Variants in DUS1L observed in about 807,000 individuals in gnomAD.
The protein encoded by DUS1L is dihydrouridine synthase 1 like.
In DUS1L, 56 loss-of-function variants were observed where a neutral mutation model predicts 61.2. The observed-to-expected ratio is 0.92, with a 90% CI of 0.74 to 1.14. The LOEUF is 1.14. Among genes scored for constraint, DUS1L ranks in the 50% most tolerant of loss-of-function variants. DUS1L has a pLI of 0.00. For missense variants in DUS1L, 630 were observed against 632.4 expected, an observed-to-expected ratio of 1.00 and a Z score of 0.04; for synonymous variants, 278 against 259.5, an observed-to-expected ratio of 1.07 and a Z score of -0.69.
intron 4 of DUS1L, 146 bp downstream of exon 4, chr17:82,063,322 G>A: frequency 9.1e-7 from 1 of 1,096,612 alleles, no homozygotes; most frequent in Non-Finnish European, 1.3e-6. Flanking sequence ...CCAGCAGAGA[G>A]GCTGCTGTGG....
chr17:82,060,238 A>G, intron 10 of DUS1L, 145 bp from the exon 11 acceptor site: 1 of 1,123,360 alleles, frequency 8.9e-7, no homozygotes, highest in South Asian at 1.6e-5. Context: ...TCCCTCGGGC[A>G]GCCCATTCAG....
rs1488559604 is a variant in DUS1L at position 82,057,826 on chromosome 17, G to A, written c.*289C>T. On this transcript the variant is annotated 3_prime_UTR_variant, in exon 14 of 14. Transcript: ENST00000306796. Reference sequence around the variant, plus strand: ...CACTGGCCCCAACCGCACCTGCCCCGGCTCATGCCTCCCTGGGTCTGAGAG... The same window carrying A: ...CACTGGCCCCAACCGCACCTGCCCCAGCTCATGCCTCCCTGGGTCTGAGAG... 2.6e-5 allele frequency: 8 copies of A among 303,366 alleles called. No individual in the cohort carries two copies. Among genetic ancestry groups the A allele is most frequent in the South Asian group, 1.9e-4 (2 of 10,534 alleles). 18.8% of individuals were successfully genotyped at this position (303,366 alleles called of 1,614,324 possible).
chr17:82,062,999 A>C (rs1424911805), intron 4 of DUS1L, 26 bp from the exon 5 acceptor site: 1 of 1,585,620 alleles, frequency 6.3e-7, no homozygotes, highest in Admixed American at 1.7e-5. Flanking sequence ...GCAGCTTCTG[A>C]GGGGGCCATG....
rs2033506390 is a variant in DUS1L at position 82,061,679 on chromosome 17, C to G, written c.636G>C (p.Gln212His). 1 of 1,612,962 alleles carries G rather than the reference C, an allele frequency of 6.2e-7. No individual in the cohort carries two copies. Among genetic ancestry groups the G allele is most frequent in the Admixed American group, 1.7e-5 (1 of 60,008 alleles). The change falls in exon 7 of 14, where the codon CAG (glutamine) becomes CAC (histidine). Residue 212 changes from glutamine (Q) to histidine (H), a missense_variant. Transcript: ENST00000306796. ...AIPVFANGNI[Q>H]CLQDVERCLR... ...GGCAGCGCTCCACGTCCTGCAGGCA[C>G]TGGATGTTCCCGTTAGCAAACACAG...
rs2033146365 is a variant in DUS1L at position 82,058,043 on chromosome 17, G to GT, written c.*71dup. On this transcript the variant is annotated 3_prime_UTR_variant, in exon 14 of 14. Transcript: ENST00000306796. ...CATTAAGTAGCAGGAGATTCCCTGA[G>GT]TAAAAGGCATTTTCTTAAGTAGGAC... 5.5e-6 allele frequency: 8 copies of GT among 1,445,744 alleles called. No individual in the cohort carries two copies. Among genetic ancestry groups the GT allele is most frequent in the Non-Finnish European group, 6.4e-6 (7 of 1,097,522 alleles). The allele number at this position is 1,445,744 out of a possible 1,614,324, so 89.6% of individuals were successfully genotyped here. A position where few individuals can be genotyped will look rare whatever the true frequency, so the allele number is the denominator to read the frequency against.
In DUS1L at chr17:82,061,731, G is replaced by A; in HGVS notation, c.594-10C>T. 6.2e-7 allele frequency: 1 copy of A among 1,612,434 alleles called. No homozygotes were observed. Among genetic ancestry groups the A allele is most frequent in the South Asian group, 1.1e-5 (1 of 91,078 alleles). The stretch of plus-strand genomic sequence containing the variant: ...GATGGCCACAGCCTTCCTGTTGGCA[G>A]AGAAATGCCTGTTTCCACCCGCCCG... On this transcript the variant is annotated splice_polypyrimidine_tract_variant and intron_variant, in intron 6 of 13. Coordinates refer to ENST00000306796, the MANE Select transcript of DUS1L (RefSeq NM_022156.5).
In DUS1L at chr17:82,060,694, C is replaced by T. The variant is rs1182796769; in HGVS notation, c.1022+7G>A. On this transcript the variant is annotated splice_region_variant and intron_variant, in intron 10 of 13. Transcript: ENST00000306796. ...ACATCCCCGCCCAGGGCTGGCTGGG[C>T]TCTCACCCCGGCCGGATGTAGGGCT... 1 of 1,612,150 alleles carries T rather than the reference C, an allele frequency of 6.2e-7. No homozygotes were observed. The highest frequency in any genetic ancestry group is 1.1e-5 in the South Asian group (1 of 90,898).
At chr17:82,061,475 C>T in intron 7 of DUS1L, 122 bp from the exon 8 acceptor site, 1 of 1,447,644 alleles carries the variant, frequency 6.9e-7, no homozygotes. Flanking sequence ...CCAGCTCAGG[C>T]CCATCAGAGC....
chr17:82,058,204 C>G lies in DUS1L; in HGVS notation c.1333G>C (p.Glu445Gln). The change falls in exon 14 of 14, where the codon GAG becomes CAG. Residue 445 changes from glutamate to glutamine, a missense_variant. Physicochemically the swap from Glu to Gln is conservative, Grantham distance 29. Transcript: ENST00000306796. ...GGCTCCTGCAGCTCAGGCTGGGCCTCTTTCCAGGCCAGAGACTTCTCCAAT... is the reference window on the plus strand; with the variant it reads ...GGCTCCTGCAGCTCAGGCTGGGCCTGTTTCCAGGCCAGAGACTTCTCCAAT... ...TKLEKSLAWK[E>Q]AQPELQEPQP... The G allele has an allele frequency of 6.2e-7, 1 of 1,600,022 alleles. No homozygotes were observed. Among genetic ancestry groups the G allele is most frequent in the Non-Finnish European group, 8.5e-7 (1 of 1,170,506 alleles).
chr17:82,061,834 A>T, intron 6 of DUS1L, 67 bp downstream of exon 6: 4 of 1,589,332 alleles, frequency 2.5e-6, no homozygotes, highest in Non-Finnish European at 3.4e-6. Flanking sequence ...GAGCACCCTG[A>T]GGTGTGGAGC....
At chr17:82,063,606 TCCAC>T in intron 3 of DUS1L, 88 bp from the exon 4 acceptor site, 1 of 1,560,402 alleles carries the variant, frequency 6.4e-7, no homozygotes, top group Non-Finnish European at 8.8e-7. Context: ...CTTTCCTGCA[TCCAC>T]GCAGGCCAGG....
rs2033650075 is a variant in DUS1L at position 82,064,216 on chromosome 17, C to T, written c.256G>A (p.Glu86Lys). The change falls in exon 3 of 14, where the codon GAG (glutamate) becomes AAG (lysine). Residue 86 changes from glutamate to lysine, a missense_variant. Physicochemically the swap from Glu to Lys is moderately conservative, Grantham distance 56. Transcript: ENST00000306796. ...AGGAGAGCCGCCTGAACAAACACCT[C>T]CGGGTCATTGGCACAGAACTGGAGA... ...LIVQFCANDP[E>K]VFVQAALLAQ... 1.2e-6 allele frequency: 2 copies of T among 1,611,934 alleles called. No individual in the cohort carries two copies. Among genetic ancestry groups the T allele is most frequent in the South Asian group, 2.2e-5 (2 of 90,984 alleles).
rs8064328 is a variant in DUS1L at position 82,057,879 on chromosome 17, G to T, written c.*236C>A. ...CAGTGGTCACAGGCTGTGGGCTCTCGCATCTTTGAAATGATTTATTGTTCA... is the reference window on the plus strand; with the variant it reads ...CAGTGGTCACAGGCTGTGGGCTCTCTCATCTTTGAAATGATTTATTGTTCA... On this transcript the variant is annotated 3_prime_UTR_variant, in exon 14 of 14. Coordinates refer to ENST00000306796, the MANE Select transcript of DUS1L (RefSeq NM_022156.5). The T allele has an allele frequency of 2.5e-6, 1 of 399,618 alleles. No homozygotes were observed. The allele number at this position is 399,618 out of a possible 1,614,324, so 24.8% of individuals were successfully genotyped here.
chr17:82,063,656 C>A, intron 3 of DUS1L, 138 bp from the exon 4 acceptor site: 1 of 984,638 alleles, frequency 1.0e-6, no homozygotes. Context: ...GTCCCCAGAA[C>A]CAGCAGTGTC....
chr17:82,061,074 A>G lies in DUS1L; in HGVS notation c.843-113T>C, dbSNP rs556373339. ...CTCTTCCTGCCCAACTCCACTCCTA[A>G]GTCACCCCAGCCCCTCAAGACCTGA... On this transcript the variant is annotated intron_variant, in intron 8 of 13. Coordinates refer to ENST00000306796, the MANE Select transcript of DUS1L (RefSeq NM_022156.5). 31 of 1,530,682 alleles carry G rather than the reference A, an allele frequency of 2.0e-5. 1 individual carries two copies. The East Asian group carries it at 5.4e-4, about 27-fold the overall frequency. The allele number at this position is 1,530,682 out of a possible 1,614,324, so 94.8% of individuals were successfully genotyped here. A position where few individuals can be genotyped will look rare whatever the true frequency, so the allele number is the denominator to read the frequency against.
Position 82,064,980 on chromosome 17 carries a change from T to TG in DUS1L, c.79dup (p.Gln27ProfsTer58). Reference sequence around the variant, plus strand: ...CAGCAGCCTCCAGGCCAGCTCGCTCTGGTCCACCATGGGGGCCACGACGTG... The same window carrying TG: ...CAGCAGCCTCCAGGCCAGCTCGCTCTGGGTCCACCATGGGGGCCACGACGTG... On this transcript the variant is annotated frameshift_variant, in exon 2 of 14. Transcript: ENST00000306796. LOFTEE classifies it high-confidence loss of function. The TG allele has an allele frequency of 2.5e-6, 4 of 1,612,214 alleles. No individual in the cohort carries two copies. Among genetic ancestry groups the TG allele is most frequent in the Non-Finnish European group, 3.4e-6 (4 of 1,179,620 alleles).
Position 82,061,722 on chromosome 17 carries a change from C to G in DUS1L, c.594-1G>C. 6.2e-7 allele frequency: 1 copy of G among 1,612,738 alleles called. No homozygotes were observed. Among genetic ancestry groups the G allele is most frequent in the Non-Finnish European group, 8.5e-7 (1 of 1,179,826 alleles). On this transcript the variant is annotated splice_acceptor_variant, in intron 6 of 13. Coordinates refer to ENST00000306796, the MANE Select transcript of DUS1L (RefSeq NM_022156.5). LOFTEE classifies it high-confidence loss of function. ...AAACACAGGGATGGCCACAGCCTTCCTGTTGGCAGAGAAATGCCTGTTTCC... is the reference window on the plus strand; with the variant it reads ...AAACACAGGGATGGCCACAGCCTTCGTGTTGGCAGAGAAATGCCTGTTTCC...
Position 82,064,893 on chromosome 17 carries a change from C to G in DUS1L, c.167G>C (p.Arg56Pro). ...GTTCTCCTTCCGGTAGTTGGCGTCG[C>G]GGACAAAGACCTGGGCATGCAGCAT... ...TPMLHAQVFV[R>P]DANYRKENLY... The change falls in exon 2 of 14, where the codon CGC becomes CCC. Residue 56 changes from arginine (R) to proline (P), a missense_variant. Coordinates refer to ENST00000306796, the MANE Select transcript of DUS1L (RefSeq NM_022156.5). 1 of 1,612,730 alleles carries G rather than the reference C, an allele frequency of 6.2e-7. No individual in the cohort carries two copies. The highest frequency in any genetic ancestry group is 8.5e-7 in the Non-Finnish European group (1 of 1,179,874).
At position 82,060,444 on chromosome 17, in the gene DUS1L, T is replaced by C. The variant is rs986432850; in HGVS notation, c.1022+257A>G. 2.7e-5 allele frequency: 16 copies of C among 588,940 alleles called. 1 individual carries two copies. The South Asian group carries it at 2.8e-4, about 10-fold the overall frequency. The allele number at this position is 588,940 out of a possible 1,614,324, so 36.5% of individuals were successfully genotyped here. A position where few individuals can be genotyped will look rare whatever the true frequency, so the allele number is the denominator to read the frequency against. ...CAGAGGAGCTCAGAGAAGTATGTTATGGAAGAAAAGATTTAAAATCCGAGC... is the reference window on the plus strand; with the variant it reads ...CAGAGGAGCTCAGAGAAGTATGTTACGGAAGAAAAGATTTAAAATCCGAGC... On this transcript the variant is annotated intron_variant, in intron 10 of 13. Coordinates refer to ENST00000306796, the MANE Select transcript of DUS1L (RefSeq NM_022156.5).
Sources: gnomAD v4.1 joint callset for allele counts on GRCh38, gnomAD v4.1.1 for gene constraint, MANE v1.5 for transcripts, NCBI Gene and HGNC (gene_info 2026-07-23, HGNC 2026-07-21) for gene names.